Variants in ZFYVE28 observed in about 807,000 individuals in gnomAD.
ZFYVE28 encodes zinc finger FYVE-type containing 28.
A neutral mutation model predicts 82.1 loss-of-function variants in ZFYVE28; 40 were observed. The observed-to-expected ratio is 0.49, with a 90% confidence interval of 0.38 to 0.63. The LOEUF (loss-of-function observed/expected upper bound fraction) is 0.63, where lower values mean the gene tolerates loss of function less well. ZFYVE28 is among the 30% of genes least tolerant of loss of function. ZFYVE28 has a pLI of 0.00. For synonymous variants in ZFYVE28, 612 were observed against 546.1 expected (o/e 1.12, Z -1.68); for missense variants, 1,321 against 1,242.1 (o/e 1.06, Z -0.96).
chr4:2,410,926 A>G (rs1307415375), intron 1 of ZFYVE28, among the ~76,000 whole-genome samples: 1 of 151,990 alleles, frequency 6.6e-6, no homozygotes, highest in Non-Finnish European at 1.5e-5. Context: ...CAATTCTTAA[A>G]TGTATCTGAC....
chr4:2,378,646 C>T lies in ZFYVE28; in HGVS notation c.40-24573G>A, dbSNP rs531223750. Among the ~76,000 whole-genome samples the T allele has an allele frequency of 3.9e-5, 6 of 152,260 alleles. No individual in the cohort carries two copies. The South Asian group carries it at 1.2e-3, about 32-fold the overall frequency. On this transcript the variant is annotated intron_variant, in intron 1 of 12. Coordinates refer to ENST00000290974, the MANE Select transcript of ZFYVE28 (RefSeq NM_020972.3). Reference sequence around the variant, plus strand: ...TGCCCGACTCCCGGCTGGGGCTGGTCCTCCTGTGGACTGTGAGGCAGCACC... The same window carrying T: ...TGCCCGACTCCCGGCTGGGGCTGGTTCTCCTGTGGACTGTGAGGCAGCACC...
chr4:2,302,068 C>T (rs370199381), intron 8 of ZFYVE28, among the ~76,000 whole-genome samples: 6 of 152,200 alleles, frequency 3.9e-5, no homozygotes, highest in East Asian at 1.9e-4. Context: ...TGGAGCGGCT[C>T]GGGCAGAAGG....
intron 1 of ZFYVE28, among the ~76,000 whole-genome samples, chr4:2,380,259 T>C (rs1354626699): frequency 6.6e-6 from 1 of 152,220 alleles, no homozygotes; most frequent in Admixed American, 6.5e-5. Context: ...AACTCACTAG[T>C]TGCCAAAGTA....
At chr4:2,367,801 C>T (rs568414381) in intron 1 of ZFYVE28, among the ~76,000 whole-genome samples, 1 of 152,330 alleles carries the variant, frequency 6.6e-6, no homozygotes, top group African/African-American at 2.4e-5. Context: ...CCAGCCCAGG[C>T]AGGTGGACTG....
At position 2,334,723 on chromosome 4, in the gene ZFYVE28, C is replaced by T. The variant is rs564637069; in HGVS notation, c.701+982G>A. On this transcript the variant is annotated intron_variant, in intron 6 of 12. Coordinates refer to ENST00000290974, the MANE Select transcript of ZFYVE28 (RefSeq NM_020972.3). ...TCTGCCCAGTCCCACACCTGCTGGC[C>T]GCTGCCCACTGGACCCTCCCCCTTC... 4.0e-4 allele frequency among the ~76,000 whole-genome samples: 57 copies of T among 143,828 alleles called. 1 individual carries two copies. The highest frequency in any genetic ancestry group is 3.5e-3 in the Middle Eastern group (1 of 284). 94.4% of individuals were successfully genotyped at this position (143,828 alleles called of 152,430 possible).
chr4:2,303,016 G>A (rs1247688176), intron 8 of ZFYVE28, among the ~76,000 whole-genome samples: 2 of 152,194 alleles, frequency 1.3e-5, no homozygotes, highest in African/African-American at 2.4e-5. Context: ...GTACGTGAAT[G>A]TGTTAACAGG....
rs1733144208 is a variant in ZFYVE28 at position 2,417,121 on chromosome 4, C to T, written c.39+1164G>A. The stretch of plus-strand genomic sequence containing the variant: ...GCCAGTGGAGGGAGGAGGGGTAGGT[C>T]GGCAACGCGGTGGCCTCGGACGTCC... On this transcript the variant is annotated intron_variant, in intron 1 of 12. Coordinates refer to ENST00000290974, the MANE Select transcript of ZFYVE28 (RefSeq NM_020972.3). This position sits in a 1 kb window ranked among gnomAD's most constrained non-coding sequence, Gnocchi z 4.8. Among the ~76,000 whole-genome samples the T allele has an allele frequency of 6.6e-6, 1 of 152,184 alleles. No homozygotes were observed. The highest frequency in any genetic ancestry group is 1.5e-5 in the Non-Finnish European group (1 of 68,030).
chr4:2,379,914 A>G (rs978727372), intron 1 of ZFYVE28, among the ~76,000 whole-genome samples: 4 of 152,018 alleles, frequency 2.6e-5, no homozygotes, highest in Admixed American at 2.0e-4. Context: ...CAGCCTCCCA[A>G]GTATCTGGGA....
intron 2 of ZFYVE28, among the ~76,000 whole-genome samples, chr4:2,349,913 A>G (rs939331092): frequency 6.6e-6 from 1 of 152,176 alleles, no homozygotes; most frequent in Non-Finnish European, 1.5e-5. Flanking sequence ...TACAGCTAAC[A>G]TCACGCTTAT....
At chr4:2,365,083 C>T (rs2108898074) in intron 1 of ZFYVE28, among the ~76,000 whole-genome samples, 1 of 151,564 alleles carries the variant, frequency 6.6e-6, no homozygotes, top group East Asian at 2.0e-4. Flanking sequence ...GGAGCTGGGC[C>T]ACCCCGCAGG....
At chr4:2,303,946 G>A (rs938135818) in intron 8 of ZFYVE28, among the ~76,000 whole-genome samples, 23 of 152,374 alleles carry the variant, frequency 1.5e-4, no homozygotes, top group Admixed American at 3.3e-4. Context: ...ACAGGCACGC[G>A]GCTCACACCA....
intron 2 of ZFYVE28, among the ~76,000 whole-genome samples, chr4:2,350,675 A>C (rs55666125): frequency 6.6e-6 from 1 of 152,046 alleles, no homozygotes; most frequent in Non-Finnish European, 1.5e-5. Context: ...TTCAGCCCCC[A>C]CCCCCAACCT....
intron 1 of ZFYVE28, among the ~76,000 whole-genome samples, chr4:2,368,047 A>G (rs1727072339): frequency 6.6e-6 from 1 of 151,996 alleles, no homozygotes; most frequent in African/African-American, 2.4e-5. Flanking sequence ...GCTTTCTGAA[A>G]CTGTTTTATT....
chr4:2,367,648 G>T lies in ZFYVE28; in HGVS notation c.40-13575C>A, dbSNP rs540028677. Among the ~76,000 whole-genome samples, 14 of 152,370 alleles carry T rather than the reference G, an allele frequency of 9.2e-5. No homozygotes were observed. In the East Asian group the frequency reaches 2.7e-3, roughly 29 times the overall value. ...CCCAGACAGGGGTCCAAGGTTGTGG[G>T]CCAAGAGAACCCCACAGTGGGCAGT... is the stretch of plus-strand genomic sequence containing the variant. On this transcript the variant is annotated intron_variant, in intron 1 of 12. Transcript: ENST00000290974.
In ZFYVE28 at chr4:2,339,047, C is replaced by T. The variant is rs1219378422; in HGVS notation, c.521+406G>A. ...CAGGATGGTCTCGATCTTCTGACCT[C>T]ATGATCCGCCTGCCTCGGCCTCTCA... On this transcript the variant is annotated intron_variant, in intron 4 of 12. Transcript: ENST00000290974. The surrounding 1 kb of genome is among the most constrained non-coding windows in gnomAD (Gnocchi z 5.0). Among the ~76,000 whole-genome samples the T allele has an allele frequency of 1.3e-5, 2 of 152,168 alleles. No individual in the cohort carries two copies. The highest frequency in any genetic ancestry group is 2.9e-5 in the Non-Finnish European group (2 of 68,036).
At chr4:2,291,717 GC>G (rs889620684) in intron 8 of ZFYVE28, among the ~76,000 whole-genome samples, 2 of 152,144 alleles carry the variant, frequency 1.3e-5, no homozygotes, top group Non-Finnish European at 2.9e-5. Flanking sequence ...TTCTCCTGGA[GC>G]CCCCCTCGGA....
intron 7 of ZFYVE28, among the ~76,000 whole-genome samples, chr4:2,313,939 T>C (rs1717855293): frequency 1.3e-5 from 2 of 152,210 alleles, no homozygotes; most frequent in Admixed American, 6.5e-5. Context: ...AGTTTTGTTA[T>C]TGAGATTTCT....
At chr4:2,392,249 G>A (rs894180128) in intron 1 of ZFYVE28, among the ~76,000 whole-genome samples, 2 of 152,064 alleles carry the variant, frequency 1.3e-5, no homozygotes, top group African/African-American at 2.4e-5. Context: ...CTCCCTGAGG[G>A]AGAAACCATC....
intron 1 of ZFYVE28, among the ~76,000 whole-genome samples, chr4:2,368,218 A>AAAAAC (rs1727107715): frequency 1.5e-5 from 2 of 131,802 alleles, no homozygotes; most frequent in African/African-American, 5.5e-5. Context: ...CTACAAAAAA[A>AAAAAC]AAAAAAAAAA....
Sources: gnomAD v4.1 joint callset for allele counts (sites outside exome capture counted in the v4.1 genomes callset) on GRCh38, gnomAD v4.1.1 for gene constraint, Gnocchi (gnomAD v3.1) non-coding constraint, MANE v1.5 for transcripts, NCBI Gene and HGNC (gene_info 2026-07-23, HGNC 2026-07-21) for gene names.